The following TNRC6A variants were observed in gnomAD, a reference collection of about 807,000 sequenced individuals.
The protein encoded by TNRC6A is trinucleotide repeat-containing gene 6A protein.
TNRC6A carries 44 observed loss-of-function variants against 221.2 expected under a neutral mutation model. The ratio of observed to expected loss-of-function variants is 0.20; its 90% CI spans 0.16 to 0.26. The LOEUF (loss-of-function observed/expected upper bound fraction) is 0.26. Ranked by LOEUF, TNRC6A falls within the 10% of genes least tolerant of loss-of-function variation. TNRC6A has a pLI of 1.00. For missense variants in TNRC6A, 2,199 were observed against 2,404.4 expected (o/e 0.91, Z 1.79); for synonymous variants, 847 against 838.5 (o/e 1.01, Z -0.18).
At chr16:24,636,258 A>G (rs1399400042) in intron 1 of TNRC6A, among the ~76,000 whole-genome samples, 2 of 152,202 alleles carry the variant, frequency 1.3e-5, no homozygotes, top group Non-Finnish European at 2.9e-5. Context: ...TAACATATTA[A>G]TATATTTTCA....
At chr16:24,793,733 C>T in intron 7 of TNRC6A, 84 bp downstream of exon 7, 2 of 1,128,074 alleles carry the variant, frequency 1.8e-6, no homozygotes, top group South Asian at 7.4e-5. Context: ...GATAAGGTTT[C>T]TATGTTATTT....
intron 1 of TNRC6A, among the ~76,000 whole-genome samples, chr16:24,625,752 A>AAG (rs1207388573): frequency 2.0e-5 from 3 of 148,878 alleles, no homozygotes; most frequent in Non-Finnish European, 3.0e-5. Flanking sequence ...AAAAAAAAAA[A>AAG]AAAAAAAAAA....
intron 2 of TNRC6A, among the ~76,000 whole-genome samples, chr16:24,649,063 T>C (rs1902474909): frequency 6.6e-6 from 1 of 152,000 alleles, no homozygotes; most frequent in African/African-American, 2.4e-5. Flanking sequence ...GGAGGATCGC[T>C]TGAGCCCAGG....
In TNRC6A at chr16:24,672,025, C is replaced by G. The variant is rs75354044; in HGVS notation, n.402+31016C>G. On this transcript the variant is annotated intron_variant and non_coding_transcript_variant, in intron 2 of 2. Transcript: ENST00000566108. Reference sequence around the variant, plus strand: ...ACAGTTGGTGAAATTTTAATATGGACAGCATGTGAGATTGTGTTAGGAAAT... The same window carrying G: ...ACAGTTGGTGAAATTTTAATATGGAGAGCATGTGAGATTGTGTTAGGAAAT... Among the ~76,000 whole-genome samples, 270 of 152,290 alleles carry G rather than the reference C, an allele frequency of 1.8e-3. 7 individuals are homozygous for G. The East Asian group carries it at 0.048, about 27-fold the overall frequency.
chr16:24,704,678 A>AG (rs2056060247), intron 2 of TNRC6A, among the ~76,000 whole-genome samples: 2 of 148,620 alleles, frequency 1.3e-5, no homozygotes, highest in Non-Finnish European at 3.0e-5. Context: ...AAAAAAAAAA[A>AG]AAAAAAAAAA....
intron 2 of TNRC6A, among the ~76,000 whole-genome samples, chr16:24,689,935 G>C (rs1382691690): frequency 7.6e-6 from 1 of 131,680 alleles, no homozygotes; most frequent in African/African-American, 2.8e-5. Context: ...AATTTTTGTA[G>C]AGACTGGGTC....
intron 2 of TNRC6A, among the ~76,000 whole-genome samples, chr16:24,734,236 A>G (rs2056711450): frequency 6.6e-6 from 1 of 152,266 alleles, no homozygotes; most frequent in South Asian, 2.1e-4. Context: ...GGAAGTTAAG[A>G]ATCTGGGATT....
intron 2 of TNRC6A, among the ~76,000 whole-genome samples, chr16:24,655,903 G>A (rs1187371656): frequency 2.0e-5 from 3 of 152,100 alleles, no homozygotes; most frequent in African/African-American, 2.4e-5. Flanking sequence ...AGTTTGAGAG[G>A]CCAAGGCAGG....
In TNRC6A at chr16:24,623,190, T is replaced by TTTACTTAC. The variant is rs202161590; in HGVS notation, n.276+12713_276+12714insCTTACTTA. On this transcript the variant is annotated intron_variant and non_coding_transcript_variant, in intron 1 of 2. Coordinates refer to the TNRC6A transcript ENST00000566108. ...ATTTATTTATTTATTTATTTATTTA[T>TTTACTTAC]TTACTTATTTTATTTATTTTTTTTT... Among the ~76,000 whole-genome samples, 888 of 147,988 alleles carry TTTACTTAC rather than the reference T, an allele frequency of 6.0e-3. 14 individuals are homozygous for TTTACTTAC. Among genetic ancestry groups the TTTACTTAC allele is most frequent in the African/African-American group, 0.021 (819 of 39,862 alleles).
rs776861756 is a variant in TNRC6A at position 24,790,206 on chromosome 16, T to C, written c.1564T>C (p.Trp522Arg). Residue 522 changes from tryptophan to arginine, a missense_variant, in exon 6 of 25, where the codon TGG becomes CGG. Coordinates refer to ENST00000395799, the MANE Select transcript of TNRC6A (RefSeq NM_014494.4). ...AAGTGGAGGCTCTTATGGTACTACA[T>C]GGGGTGCCTATGGTTCTAATTACTC... ...SKSGGSYGTT[W>R]GAYGSNYSGD... 6.2e-7 allele frequency: 1 copy of C among 1,614,218 alleles called. No individual in the cohort carries two copies. Among genetic ancestry groups the C allele is most frequent in the East Asian group, 2.2e-5 (1 of 44,886 alleles).
chr16:24,650,614 A>G (rs1052687478), intron 2 of TNRC6A, among the ~76,000 whole-genome samples: 1 of 151,970 alleles, frequency 6.6e-6, no homozygotes, highest in African/African-American at 2.4e-5. Flanking sequence ...GCAGTGAGCC[A>G]AGATTATGCC....
At chr16:24,619,967 C>T (rs549151280) in intron 1 of TNRC6A, among the ~76,000 whole-genome samples, 1 of 152,174 alleles carries the variant, frequency 6.6e-6, no homozygotes, top group Non-Finnish European at 1.5e-5. Flanking sequence ...CAAAGCAAGA[C>T]CCAGGCTGTA....
At chr16:24,626,951 CTGTTTT>C (rs1901047938) in intron 1 of TNRC6A, among the ~76,000 whole-genome samples, 1 of 114,362 alleles carries the variant, frequency 8.7e-6, no homozygotes, top group Admixed American at 9.0e-5. Context: ...CGCGCCCAGC[CTGTTTT>C]TTTTTTTTTT....
chr16:24,765,074 G>C (rs1231764711), intron 4 of TNRC6A, among the ~76,000 whole-genome samples: 1 of 152,178 alleles, frequency 6.6e-6, no homozygotes, highest in Non-Finnish European at 1.5e-5. Context: ...CTTGGAAAAG[G>C]AGGGGGACTA....
chr16:24,633,615 G>A (rs9939863), intron 1 of TNRC6A, among the ~76,000 whole-genome samples: 56,149 of 151,804 alleles, frequency 0.37, 12,201 homozygotes, highest in Middle Eastern at 0.51. Flanking sequence ...GGCAGACCTC[G>A]AACTCCTGAC....
chr16:24,793,982 A>T (rs2058166426), intron 7 of TNRC6A, among the ~76,000 whole-genome samples: 1 of 152,198 alleles, frequency 6.6e-6, no homozygotes, highest in Admixed American at 6.5e-5. Flanking sequence ...TAGTGTAGCC[A>T]TGAGGACACA....
intron 2 of TNRC6A, among the ~76,000 whole-genome samples, chr16:24,714,821 C>G: frequency 6.6e-6 from 1 of 151,564 alleles, no homozygotes; most frequent in Non-Finnish European, 1.5e-5. Context: ...AAAATTTTCT[C>G]CTCATTTCAA....
At chr16:24,775,310 A>G (rs1205577736) in intron 4 of TNRC6A, among the ~76,000 whole-genome samples, 1 of 152,216 alleles carries the variant, frequency 6.6e-6, no homozygotes, top group Admixed American at 6.5e-5. Context: ...GATTATAAAC[A>G]GTAGATGGAA....
At chr16:24,656,856 A>C (rs2054922965) in intron 2 of TNRC6A, among the ~76,000 whole-genome samples, 1 of 152,194 alleles carries the variant, frequency 6.6e-6, no homozygotes, top group African/African-American at 2.4e-5. Context: ...GAATTTTAAA[A>C]ATAAAATGTT....
Sources: allele counts gnomAD v4.1 joint callset (sites outside exome capture counted in the v4.1 genomes callset), GRCh38; gene constraint gnomAD v4.1.1; transcripts MANE v1.5; gene names NCBI Gene and HGNC (gene_info 2026-07-23, HGNC 2026-07-21).